Variants in NCOA2 observed in about 807,000 individuals in gnomAD.
NCOA2 encodes the protein nuclear receptor coactivator 2, also known as class E basic helix-loop-helix protein 75.
NCOA2 carries 21 observed loss-of-function variants against 145.1 expected under a neutral mutation model. The observed-to-expected ratio is 0.14, with a 90% CI of 0.10 to 0.21. The LOEUF is 0.21. Ranked by LOEUF, NCOA2 falls within the 10% of genes least tolerant of loss-of-function variation. The pLI is 1.00. For synonymous variants in NCOA2, 619 were observed against 637.5 expected, an observed-to-expected ratio of 0.97 and a Z score of 0.44; for missense variants, 1,472 against 1,837.6, an observed-to-expected ratio of 0.80 and a Z score of 3.64.
At chr8:70,224,066 G>A (rs1820396480) in intron 2 of NCOA2, among the ~76,000 whole-genome samples, 1 of 152,194 alleles carries the variant, frequency 6.6e-6, no homozygotes, top group Non-Finnish European at 1.5e-5. Context: ...TAATGCTCCA[G>A]GCACTGCTGC....
chr8:70,323,090 C>T (rs559431406), intron 1 of NCOA2, among the ~76,000 whole-genome samples: 2 of 152,122 alleles, frequency 1.3e-5, no homozygotes, highest in African/African-American at 2.4e-5. Context: ...TTAACGAATA[C>T]GTAAACTACT....
chr8:70,316,010 C>T (rs1248612071), intron 1 of NCOA2, among the ~76,000 whole-genome samples: 1 of 152,178 alleles, frequency 6.6e-6, no homozygotes, highest in Admixed American at 6.5e-5. Flanking sequence ...TAAAGGAACA[C>T]TGCTTTGAAT....
intron 2 of NCOA2, among the ~76,000 whole-genome samples, chr8:70,275,741 C>T (rs1825415970): frequency 6.6e-6 from 1 of 152,186 alleles, no homozygotes; most frequent in African/African-American, 2.4e-5. Flanking sequence ...AAGAACTAGA[C>T]TCTAATTGGC....
At chr8:70,144,903 A>G (rs924934918) in intron 12 of NCOA2, 55 bp from the exon 13 acceptor site, 17 of 1,463,546 alleles carry the variant, frequency 1.2e-5, no homozygotes, top group Non-Finnish European at 1.4e-5. Flanking sequence ...GGAAAATAAT[A>G]TTAACAGTAG....
intron 18 of NCOA2, 56 bp from the exon 19 acceptor site, chr8:70,127,103 A>T: frequency 7.8e-7 from 1 of 1,283,970 alleles, no homozygotes. Context: ...TAGATTAAAA[A>T]ACAAAGTGAG....
At chr8:70,126,792 G>A (rs1433630242) in intron 19 of NCOA2, 21 bp downstream of exon 19, 1 of 1,595,640 alleles carries the variant, frequency 6.3e-7, no homozygotes, top group Non-Finnish European at 8.6e-7. Context: ...GTGAAAGGTG[G>A]TGGGGATCTA....
intron 10 of NCOA2, among the ~76,000 whole-genome samples, chr8:70,159,242 A>ATTTTTTTTTTT (rs763150293): frequency 2.0e-4 from 12 of 61,074 alleles, no homozygotes; most frequent in African/African-American, 6.5e-4. Flanking sequence ...ATATATATAT[A>ATTTTTTTTTTT]TTTTTTTTTT....
chr8:70,272,694 T>C (rs185814273), intron 2 of NCOA2, among the ~76,000 whole-genome samples: 35 of 152,266 alleles, frequency 2.3e-4, no homozygotes, highest in African/African-American at 7.2e-4. Flanking sequence ...CTAGAAACCA[T>C]AATATAGTTT....
the NCOA2 span, among the ~76,000 whole-genome samples, chr8:70,439,352 C>T: frequency 6.6e-6 from 1 of 152,198 alleles, no homozygotes; most frequent in East Asian, 1.9e-4. Flanking sequence ...GAGCAGTGCC[C>T]CACAGTACCT....
At chr8:70,201,801 A>AG (rs1817921515) in intron 4 of NCOA2, among the ~76,000 whole-genome samples, 1 of 152,176 alleles carries the variant, frequency 6.6e-6, no homozygotes, top group Non-Finnish European at 1.5e-5. Flanking sequence ...AATACTCTTT[A>AG]GGGGGACATG....
intron 2 of NCOA2, among the ~76,000 whole-genome samples, chr8:70,279,910 C>T (rs1825748267): frequency 6.6e-6 from 1 of 152,214 alleles, no homozygotes; most frequent in African/African-American, 2.4e-5. Context: ...TTCCTTCCAT[C>T]CAGACTTGCC....
intron 13 of NCOA2, among the ~76,000 whole-genome samples, chr8:70,144,085 T>G (rs1810757558): frequency 6.6e-6 from 1 of 152,152 alleles, no homozygotes; most frequent in Admixed American, 6.5e-5. Flanking sequence ...TTATAGCAGG[T>G]CAACATCCAA....
chr8:70,386,434 T>C (rs1013371812), intron 1 of NCOA2, among the ~76,000 whole-genome samples: 1 of 152,160 alleles, frequency 6.6e-6, no homozygotes, highest in African/African-American at 2.4e-5. Flanking sequence ...ATCATTCTAG[T>C]GCTTTCAGGG....
the NCOA2 span, among the ~76,000 whole-genome samples, chr8:70,420,603 G>A: frequency 2.0e-5 from 3 of 152,150 alleles, no homozygotes; most frequent in African/African-American, 7.2e-5. Context: ...CTCCCTTCAG[G>A]AGGCTGGGGG....
intron 1 of NCOA2, among the ~76,000 whole-genome samples, chr8:70,384,637 TATG>T (rs1252994393): frequency 1.9e-4 from 29 of 152,222 alleles, no homozygotes; most frequent in African/African-American, 7.0e-4. Flanking sequence ...TTATTTTCCA[TATG>T]ATAATTACAA....
intron 2 of NCOA2, among the ~76,000 whole-genome samples, chr8:70,274,255 C>A (rs1411572756): frequency 6.9e-6 from 1 of 145,692 alleles, no homozygotes; most frequent in Admixed American, 6.8e-5. Context: ...ACTAAAGCAA[C>A]AAGAAAAACT....
the NCOA2 span, among the ~76,000 whole-genome samples, chr8:70,448,375 C>T: frequency 6.6e-6 from 1 of 152,034 alleles, no homozygotes; most frequent in African/African-American, 2.4e-5. Context: ...TGTGCACAGA[C>T]ACACATACCA....
In NCOA2 at chr8:70,162,844, C is replaced by T. The variant is rs544210212; in HGVS notation, c.843G>A (p.Thr281=). The T allele has an allele frequency of 4.7e-5, 75 of 1,612,362 alleles. No homozygotes were observed. The highest frequency in any genetic ancestry group is 3.7e-4 in the South Asian group (34 of 90,944). Residue 281 remains threonine (T), a synonymous_variant, in exon 9 of 23, where the codon ACG becomes ACA. Transcript: ENST00000452400. ...TTRQDLQGKI[T]SLDTSTMRAA... Reference sequence around the variant, plus strand: ...CTCTCATGGTGCTGGTATCCAGAGACGTGATCTTGCCTATTAAGTAACAGC... The same window carrying T: ...CTCTCATGGTGCTGGTATCCAGAGATGTGATCTTGCCTATTAAGTAACAGC...
At chr8:70,178,137 T>C (rs1815073627) in intron 4 of NCOA2, among the ~76,000 whole-genome samples, 1 of 152,220 alleles carries the variant, frequency 6.6e-6, no homozygotes, top group Non-Finnish European at 1.5e-5. Context: ...CTGCTAAGTC[T>C]TCATGCCTGG....
Sources: allele counts gnomAD v4.1 joint callset (sites outside exome capture counted in the v4.1 genomes callset), GRCh38; gene constraint gnomAD v4.1.1; transcripts MANE v1.5; gene names NCBI Gene and HGNC (gene_info 2026-07-23, HGNC 2026-07-21).